Variants in TASP1 observed in about 807,000 individuals in gnomAD.
TASP1 encodes the protein threonine aspartase 1.
TASP1 carries 16 observed loss-of-function variants against 56.6 expected under a neutral mutation model. The ratio of observed to expected loss-of-function variants is 0.28; its 90% CI spans 0.19 to 0.43. TASP1 has a LOEUF of 0.43. Among genes scored for constraint, TASP1 ranks in the 20% least tolerant of loss-of-function variants. TASP1 has a pLI of 1.00. For synonymous variants in TASP1, 179 were observed against 184.2 expected (o/e 0.97, Z 0.23); for missense variants, 393 against 511.6 (o/e 0.77, Z 2.24).
intron 4 of TASP1, among the ~76,000 whole-genome samples, chr20:13,599,001 C>T (rs530498798): frequency 1.2e-4 from 19 of 152,068 alleles, no homozygotes; most frequent in South Asian, 1.0e-3. Context: ...CCAATTAGAA[C>T]GGCGATCATT....
the TASP1 span, among the ~76,000 whole-genome samples, chr20:13,249,825 G>A: frequency 7.6e-6 from 1 of 131,226 alleles, no homozygotes; most frequent in African/African-American, 3.1e-5. Context: ...GTTTTGTTTT[G>A]TTTTGTTTTG....
chr20:13,403,144 A>AT (rs1252645278), intron 13 of TASP1, among the ~76,000 whole-genome samples: 2 of 151,292 alleles, frequency 1.3e-5, no homozygotes, highest in East Asian at 1.9e-4. Flanking sequence ...GCTTCCAACA[A>AT]TTTTTTTTTC....
Position 13,545,735 on chromosome 20 carries a change from C to A in TASP1, c.676-11594G>T, listed in dbSNP as rs2045785534. On this transcript the variant is annotated intron_variant, in intron 8 of 13. Transcript: ENST00000337743. The stretch of plus-strand genomic sequence containing the variant: ...TCTACCTCTCTAGACCTGTCTCACA[C>A]ATTTAGGCTGCCTACCTGCCTGGCA... Among the ~76,000 whole-genome samples the A allele has an allele frequency of 2.6e-5, 4 of 152,252 alleles. No homozygotes were observed. In the South Asian group the frequency reaches 6.2e-4, roughly 24 times the overall value.
the TASP1 span, among the ~76,000 whole-genome samples, chr20:13,302,484 C>A: frequency 3.5e-4 from 53 of 152,268 alleles, no homozygotes; most frequent in Non-Finnish European, 6.2e-4. Flanking sequence ...CTAGGAGACC[C>A]TTATCTCATT....
At chr20:13,223,188 A>AAAT in the TASP1 span, among the ~76,000 whole-genome samples, 17 of 147,280 alleles carry the variant, frequency 1.2e-4, no homozygotes, top group African/African-American at 4.4e-4. Flanking sequence ...AAAATAAAAT[A>AAAT]AAATAAATAA....
intron 11 of TASP1, among the ~76,000 whole-genome samples, chr20:13,472,788 C>T (rs1016803747): frequency 1.3e-5 from 2 of 151,092 alleles, no homozygotes; most frequent in Admixed American, 1.3e-4. Flanking sequence ...CAATGAGATA[C>T]CATCTCACAC....
chr20:13,109,275 C>G, the TASP1 span, among the ~76,000 whole-genome samples: 5 of 152,188 alleles, frequency 3.3e-5, no homozygotes, highest in Admixed American at 6.5e-5. Context: ...TCTACATCAC[C>G]ATTTCATTTG....
intron 8 of TASP1, among the ~76,000 whole-genome samples, chr20:13,551,492 C>G (rs553993988): frequency 6.6e-6 from 1 of 152,214 alleles, no homozygotes; most frequent in South Asian, 2.1e-4. Context: ...CTTGAAACAT[C>G]AAAAATGTTG....
At position 13,559,100 on chromosome 20, in the gene TASP1, C is replaced by A; in HGVS notation, c.583G>T (p.Ala195Ser). 1 of 1,568,154 alleles carries A rather than the reference C, an allele frequency of 6.4e-7. No individual in the cohort carries two copies. Reference sequence around the variant, plus strand: ...AGTTTCCTCTTGTTTCTTTTAAATGCAGCTAAACTGAATCCTATAAAATAA... The same window carrying A: ...AGTTTCCTCTTGTTTCTTTTAAATGAAGCTAAACTGAATCCTATAAAATAA... The part of the protein sequence containing the change: ...NIMTTRFSLA[A>S]FKRNKRKLEL... The change falls in exon 8 of 14, where the codon GCA becomes TCA. Residue 195 changes from alanine to serine, a missense_variant. Coordinates refer to ENST00000337743, the MANE Select transcript of TASP1 (RefSeq NM_017714.3).
intron 2 of TASP1, among the ~76,000 whole-genome samples, chr20:13,629,477 A>G (rs984235125): frequency 2.6e-5 from 4 of 150,998 alleles, no homozygotes; most frequent in Admixed American, 6.6e-5. Flanking sequence ...GCAATATTTT[A>G]TTTTATTTTA....
intron 10 of TASP1, among the ~76,000 whole-genome samples, chr20:13,521,713 A>G (rs1252493039): frequency 6.6e-6 from 1 of 152,120 alleles, no homozygotes; most frequent in Non-Finnish European, 1.5e-5. Context: ...GCACACCAAC[A>G]TGGCACATGT....
the TASP1 span, among the ~76,000 whole-genome samples, chr20:13,231,256 G>A: frequency 1.8e-4 from 28 of 152,328 alleles, no homozygotes; most frequent in African/African-American, 5.8e-4. Flanking sequence ...CATTAACAGC[G>A]AGGAAGTCTG....
chr20:13,325,053 G>T, the TASP1 span, among the ~76,000 whole-genome samples: 1 of 152,164 alleles, frequency 6.6e-6, no homozygotes, highest in Non-Finnish European at 1.5e-5. Context: ...GAATGTTTCT[G>T]TTTATTTTAT....
intron 11 of TASP1, among the ~76,000 whole-genome samples, chr20:13,479,557 T>C (rs2043062044): frequency 6.6e-6 from 1 of 151,708 alleles, no homozygotes; most frequent in Admixed American, 6.6e-5. Context: ...CTGCCTCCCA[T>C]GTTCAAGCGA....
chr20:13,298,843 C>A, the TASP1 span: 2,947 of 1,197,028 alleles, frequency 2.5e-3, 35 homozygotes, highest in African/African-American at 0.03. Context: ...TGTCCTCCTG[C>A]GGGCCCTCAG....
At chr20:13,449,077 T>C (rs74573019) in intron 11 of TASP1, among the ~76,000 whole-genome samples, 1,578 of 152,192 alleles carry the variant, frequency 0.01, 28 homozygotes, top group African/African-American at 0.036. Flanking sequence ...TGTTTGCTCA[T>C]TAAATTCTAG....
At chr20:13,209,814 A>T in the TASP1 span, among the ~76,000 whole-genome samples, 1 of 152,220 alleles carries the variant, frequency 6.6e-6, no homozygotes, top group Non-Finnish European at 1.5e-5. Context: ...AATATAGTCA[A>T]ACCCTATATT....
At chr20:13,305,723 A>G in the TASP1 span, among the ~76,000 whole-genome samples, 1 of 152,228 alleles carries the variant, frequency 6.6e-6, no homozygotes. Context: ...TGAGAGTAGA[A>G]GGAGAGGGAC....
intron 13 of TASP1, among the ~76,000 whole-genome samples, chr20:13,410,417 T>G (rs1022897263): frequency 6.6e-6 from 1 of 152,210 alleles, no homozygotes; most frequent in African/African-American, 2.4e-5. Context: ...TTGTTTCCCA[T>G]AGTGGCTGTA....
Sources: allele counts gnomAD v4.1 joint callset (sites outside exome capture counted in the v4.1 genomes callset), GRCh38; gene constraint gnomAD v4.1.1; transcripts MANE v1.5; gene names NCBI Gene and HGNC (gene_info 2026-07-23, HGNC 2026-07-21).